Variants in FGF13 observed in about 807,000 individuals in gnomAD.
FGF13 encodes the protein fibroblast growth factor homologous factor 2.
In FGF13, 2 loss-of-function variants were observed where a neutral mutation model predicts 19.5. The ratio of observed to expected loss-of-function variants is 0.10; its 90% CI spans 0.04 to 0.32. The LOEUF (loss-of-function observed/expected upper bound fraction) is 0.32, where lower values mean the gene tolerates loss of function less well. FGF13 is among the 10% of genes least tolerant of loss of function. FGF13 has a pLI of 1.00. For synonymous variants in FGF13, 72 were observed against 76.9 expected, an observed-to-expected ratio of 0.94 and a Z score of 0.33; for missense variants, 113 against 192.7, an observed-to-expected ratio of 0.59 and a Z score of 2.45.
intron 1 of FGF13, among the ~76,000 whole-genome samples, chrX:139,170,749 C>T (rs1474412573): frequency 9.0e-6 from 1 of 111,544 alleles, no homozygotes; most frequent in Non-Finnish European, 1.9e-5. Flanking sequence ...AATATCTGTT[C>T]GTGACACTGC....
chrX:138,986,058 T>C (rs1020687223), intron 1 of FGF13, among the ~76,000 whole-genome samples: 1 of 111,824 alleles, frequency 8.9e-6, no homozygotes, highest in Admixed American at 9.5e-5. Flanking sequence ...ACCAGACAAC[T>C]TGGCATTATT....
At chrX:138,810,984 T>C (rs1357537713) in intron 3 of FGF13, among the ~76,000 whole-genome samples, 7 of 112,211 alleles carry the variant, frequency 6.2e-5, no homozygotes, top group Non-Finnish European at 1.1e-4. Context: ...GGAACAGTTT[T>C]ACACTGTTGG....
In FGF13 at chrX:138,639,223, C is replaced by T. The variant is rs191717485; in HGVS notation, c.403-3568G>A. On this transcript the variant is annotated intron_variant, in intron 3 of 4. Coordinates refer to ENST00000315930, the MANE Select transcript of FGF13 (RefSeq NM_004114.5). The stretch of plus-strand genomic sequence containing the variant: ...TAGAAATTGGATTTGTCCCAACCCA[C>T]GAAATCCCTGTTCAGAGGAGACTAA... 2.3e-3 allele frequency among the ~76,000 whole-genome samples: 253 copies of T among 111,896 alleles called. 2 individuals are homozygous for T. The highest frequency in any genetic ancestry group is 4.2e-3 in the Non-Finnish European group (221 of 53,216).
In FGF13 at chrX:138,626,952, G is replaced by A. The variant is rs1225563550; in HGVS notation, c.*5898C>T. On this transcript the variant is annotated 3_prime_UTR_variant, in exon 5 of 5. Coordinates refer to ENST00000315930, the MANE Select transcript of FGF13 (RefSeq NM_004114.5). ...AATTCATTCTGGTTTTGAAATTTTC[G>A]AGGAAGAAAATAACACTTGGATGGT... The A allele has an allele frequency of 8.9e-6, 1 of 111,808 alleles. No homozygotes were observed. Among genetic ancestry groups the A allele is most frequent in the Non-Finnish European group, 1.9e-5 (1 of 53,157 alleles). The allele number at this position is 111,808 out of a possible 1,213,427, so 9.2% of individuals were successfully genotyped here.
rs1324764130 is a variant in FGF13, at chrX:138,628,172, A to G, written c.*4678T>C. On this transcript the variant is annotated 3_prime_UTR_variant, in exon 5 of 5. Coordinates refer to ENST00000315930, the MANE Select transcript of FGF13 (RefSeq NM_004114.5). ...CCAGAATTAGAGACATGTTCTTTTC[A>G]GTATACTATTACTTGTAGCATTCTC... The G allele has an allele frequency of 1.8e-5, 2 of 111,771 alleles. No homozygotes were observed. Among genetic ancestry groups the G allele is most frequent in the African/African-American group, 6.5e-5 (2 of 30,716 alleles). The allele number at this position is 111,771 out of a possible 1,213,427, so 9.2% of individuals were successfully genotyped here. A position where few individuals can be genotyped will look rare whatever the true frequency, so the allele number is the denominator to read the frequency against.
At chrX:138,748,913 T>G (rs2090376458) in intron 3 of FGF13, among the ~76,000 whole-genome samples, 1 of 111,574 alleles carries the variant, frequency 9.0e-6, no homozygotes, top group Non-Finnish European at 1.9e-5. Flanking sequence ...AGAGGCAAAA[T>G]CACAATCTCC....
chrX:138,710,677 C>T, intron 1 of FGF13, 140 bp downstream of exon 1: 1 of 1,045,597 alleles, frequency 9.6e-7, no homozygotes, highest in Non-Finnish European at 1.3e-6. Context: ...CAGCGCCTTC[C>T]CACGCACGCA....
chrX:138,945,607 A>G (rs1251381953), intron 1 of FGF13, among the ~76,000 whole-genome samples: 5 of 111,776 alleles, frequency 4.5e-5, no homozygotes, highest in African/African-American at 9.8e-5. Context: ...GTAGCCAATA[A>G]TTGTTAATTA....
chrX:138,848,374 C>T (rs776084075), intron 3 of FGF13, among the ~76,000 whole-genome samples: 15 of 111,044 alleles, frequency 1.4e-4, no homozygotes, highest in Non-Finnish European at 2.6e-4. Flanking sequence ...CTCAGCAGAC[C>T]TTATGCCAAG....
intron 1 of FGF13, among the ~76,000 whole-genome samples, chrX:138,904,795 A>G (rs1306277313): frequency 1.8e-5 from 2 of 111,421 alleles, no homozygotes; most frequent in Non-Finnish European, 3.8e-5. Context: ...GCTCCAAGAG[A>G]ACAAATCACA....
In FGF13 at chrX:138,900,715, T is replaced by C. The variant is rs144970941; in HGVS notation, c.-112-36065A>G. 3.3e-3 allele frequency among the ~76,000 whole-genome samples: 368 copies of C among 112,014 alleles called. 3 individuals are homozygous for C. The highest frequency in any genetic ancestry group is 0.011 in the African/African-American group (336 of 30,832). On this transcript the variant is annotated intron_variant, in intron 1 of 2. Coordinates refer to the FGF13 transcript ENST00000421460. The stretch of plus-strand genomic sequence containing the variant: ...CTTAAAACTGTCCAATGGCTTCCCA[T>C]GTCATGCAGAAGAAAACCCAAACCC...
At chrX:139,137,887 A>G (rs189041314) in intron 1 of FGF13, among the ~76,000 whole-genome samples, 35 of 112,171 alleles carry the variant, frequency 3.1e-4, no homozygotes, top group African/African-American at 1.1e-3. Context: ...TCACTGGCCA[A>G]TGCACTAGCC....
At chrX:138,744,188 CA>C (rs2090339780), upstream of FGF13, among the ~76,000 whole-genome samples, 1 of 111,272 alleles carries the variant, frequency 9.0e-6, no homozygotes, top group Admixed American at 9.6e-5. Context: ...CTGAGGGTAA[CA>C]GGGGCAGACA....
chrX:138,619,381 CACTT>C lies in FGF13; in HGVS notation c.*13465_*13468del, dbSNP rs931475381. ...AATGAAGTCAAAGCATTAGGAGAAACACTTAATATAGATGACGGGTTGATGGGTG... is the reference window on the plus strand; with the variant it reads ...AATGAAGTCAAAGCATTAGGAGAAACAATATAGATGACGGGTTGATGGGTG... On this transcript the variant is annotated 3_prime_UTR_variant, in exon 5 of 5. Transcript: ENST00000315930. 9.0e-6 allele frequency: 1 copy of C among 111,704 alleles called. No homozygotes were observed. The highest frequency in any genetic ancestry group is 3.3e-5 in the African/African-American group (1 of 30,726). 9.2% of individuals were successfully genotyped at this position (111,704 alleles called of 1,213,427 possible).
chrX:138,716,255 G>C (rs755000414), upstream of FGF13: 12 of 112,069 alleles, frequency 1.1e-4, no homozygotes, highest in African/African-American at 3.9e-4. Context: ...CACCAACGTC[G>C]AGTAACACTG....
At chrX:139,156,229 T>C (rs750135021) in intron 1 of FGF13, among the ~76,000 whole-genome samples, 13 of 112,253 alleles carry the variant, frequency 1.2e-4, no homozygotes, top group African/African-American at 4.2e-4. Flanking sequence ...AACCCACTTT[T>C]GCCCACAAGT....
chrX:139,163,629 C>CAT (rs1377044784), intron 1 of FGF13, among the ~76,000 whole-genome samples: 1 of 111,207 alleles, frequency 9.0e-6, no homozygotes, highest in Non-Finnish European at 1.9e-5. Context: ...TGTTGGAGGT[C>CAT]ATTCAGCTTT....
At chrX:138,912,952 A>AT (rs1434149634) in intron 1 of FGF13, among the ~76,000 whole-genome samples, 2 of 110,916 alleles carry the variant, frequency 1.8e-5, no homozygotes, top group Non-Finnish European at 3.8e-5. Context: ...TGGCCCTGAC[A>AT]TTTCCTCAAA....
chrX:138,811,219 G>A (rs1467632399), intron 3 of FGF13, among the ~76,000 whole-genome samples: 3 of 111,701 alleles, frequency 2.7e-5, no homozygotes, highest in African/African-American at 9.8e-5. Flanking sequence ...TGATAGACTG[G>A]ATTAAGAAAA....
Sources: gnomAD v4.1 joint callset for allele counts (sites outside exome capture counted in the v4.1 genomes callset) on GRCh38, gnomAD v4.1.1 for gene constraint, MANE v1.5 for transcripts, NCBI Gene and HGNC (gene_info 2026-07-23, HGNC 2026-07-21) for gene names.